GSG1L2: variants seen among roughly 807,000 people sequenced by gnomAD.
The protein encoded by GSG1L2 is germ cell-specific gene 1-like protein 2.
A neutral mutation model predicts 9.0 loss-of-function variants in GSG1L2; 15 were observed. The observed-to-expected ratio is 1.67, with a 90% CI of 1.12 to 2.57. The LOEUF (loss-of-function observed/expected upper bound fraction) is 2.57. Ranked by LOEUF, GSG1L2 falls within the 30% of genes most tolerant of loss-of-function variation. GSG1L2 has a pLI of 0.00. For missense variants in GSG1L2, 286 were observed against 150.3 expected (o/e 1.90, Z -4.72); for synonymous variants, 127 against 57.9 (o/e 2.19, Z -5.41).
At chr17:9,810,869 A>G in intron 1 of GSG1L2, 1 of 527,972 alleles carries the variant, frequency 1.9e-6, no homozygotes, top group Non-Finnish European at 3.4e-6. Context: ...CAGCTTTAAG[A>G]GCCAGTGTCT....
chr17:9,812,926 C>G (rs1444420670), intron 1 of GSG1L2, among the ~76,000 whole-genome samples: 3 of 152,156 alleles, frequency 2.0e-5, no homozygotes, highest in East Asian at 3.9e-4. Context: ...TTGTAGTAAC[C>G]TCGCACGGCA....
At chr17:9,807,390 A>G (rs1415049240) in intron 4 of GSG1L2, 100 bp downstream of exon 4, 18 of 676,120 alleles carry the variant, frequency 2.7e-5, no homozygotes, top group Non-Finnish European at 4.1e-5. Flanking sequence ...GGCAGATGCC[A>G]GCACTATGAC....
rs546261807 is a variant in GSG1L2 at position 9,821,806 on chromosome 17, T to C, written c.266A>G (p.His89Arg). ...GDDKFIQRGF[H>R]VGLWQSCEES... The stretch of plus-strand genomic sequence containing the variant: ...CTCGCAGGACTGCCAGAGCCCCACA[T>C]GGAACCCCCGCTGAATGAACTTGTC... The change falls in exon 1 of 5, where the codon CAT (histidine) becomes CGT (arginine). Residue 89 changes from histidine to arginine, a missense_variant. His to Arg is a conservative substitution (Grantham distance 29). Transcript: ENST00000399363. The C allele has an allele frequency of 3.6e-4, 254 of 703,530 alleles. 2 individuals carry two copies. The African/African-American group carries it at 3.7e-3, about 10-fold the overall frequency. 43.6% of individuals were successfully genotyped at this position (703,530 alleles called of 1,614,324 possible). A position where few individuals can be genotyped will look rare whatever the true frequency, so the allele number is the denominator to read the frequency against.
intron 1 of GSG1L2, among the ~76,000 whole-genome samples, chr17:9,811,933 T>C (rs1419712675): frequency 2.0e-5 from 3 of 152,110 alleles, no homozygotes; most frequent in Non-Finnish European, 4.4e-5. Flanking sequence ...CATGTTTTTT[T>C]CCCATTGACT....
At chr17:9,817,451 GTC>G (rs938806991) in intron 1 of GSG1L2, among the ~76,000 whole-genome samples, 4 of 144,004 alleles carry the variant, frequency 2.8e-5, no homozygotes, top group South Asian at 4.4e-4. Context: ...TTTCCTCGAA[GTC>G]TCACTCTGTC....
chr17:9,815,138 A>G (rs2066554477), intron 1 of GSG1L2, among the ~76,000 whole-genome samples: 1 of 152,210 alleles, frequency 6.6e-6, no homozygotes, highest in African/African-American at 2.4e-5. Flanking sequence ...CTGTAATCCC[A>G]GCATTTTGGG....
In GSG1L2 at chr17:9,821,929, C is replaced by T. The variant is rs1203179158; in HGVS notation, c.143G>A (p.Gly48Glu). 1.4e-6 allele frequency: 1 copy of T among 703,088 alleles called. No homozygotes were observed. Among genetic ancestry groups the T allele is most frequent in the Non-Finnish European group, 2.6e-6 (1 of 385,046 alleles). 43.6% of individuals were successfully genotyped at this position (703,088 alleles called of 1,614,324 possible). A position where few individuals can be genotyped will look rare whatever the true frequency, so the allele number is the denominator to read the frequency against. ...TTTGAAGTGAATGCAGTGCTGCCCT[C>T]CCGGCTGGTCCTGGCACAGTGGCTT... Reference protein sequence around the residue: ...VVKPLCQDQPGGQHCIHFKRD... With the variant: ...VVKPLCQDQPEGQHCIHFKRD... Residue 48 changes from glycine (G) to glutamate (E), a missense_variant, in exon 1 of 5, where the codon GGA becomes GAA. Transcript: ENST00000399363.
At chr17:9,818,501 A>ATTTTTTTTTTTTTTTTTTT (rs377057350) in intron 1 of GSG1L2, among the ~76,000 whole-genome samples, 3 of 82,800 alleles carry the variant, frequency 3.6e-5, no homozygotes, top group Non-Finnish European at 6.6e-5. Context: ...ACACAGCTAA[A>ATTTTTTTTTTTTTTTTTTT]TTTTTTTTTT....
rs1368877357 is a variant in GSG1L2 at position 9,820,408 on chromosome 17, C to G, written c.310+1354G>C. On this transcript the variant is annotated intron_variant, in intron 1 of 4. Transcript: ENST00000399363. This position sits in a 1 kb window ranked among gnomAD's most constrained non-coding sequence, Gnocchi z 4.9. Reference sequence around the variant, plus strand: ...TCCTCCAGGATGCAGGGTCCTGAGACTTTTGCCTCTGTCCATGAAGGTGGG... The same window carrying G: ...TCCTCCAGGATGCAGGGTCCTGAGAGTTTTGCCTCTGTCCATGAAGGTGGG... 6.6e-6 allele frequency among the ~76,000 whole-genome samples: 1 copy of G among 152,194 alleles called. No individual in the cohort carries two copies. The highest frequency in any genetic ancestry group is 2.4e-5 in the African/African-American group (1 of 41,450).
intron 1 of GSG1L2, among the ~76,000 whole-genome samples, chr17:9,814,637 T>C (rs2066552639): frequency 6.6e-6 from 1 of 152,162 alleles, no homozygotes; most frequent in Non-Finnish European, 1.5e-5. Flanking sequence ...GTGTTCGTTT[T>C]GAATAAAGCC....
rs972218470 is a variant in GSG1L2 at position 9,801,336 on chromosome 17, T to C, written c.*1050A>G. Among the ~76,000 whole-genome samples the C allele has an allele frequency of 1.5e-4, 23 of 152,002 alleles. No homozygotes were observed. The highest frequency in any genetic ancestry group is 5.5e-4 in the African/African-American group (23 of 41,488). On this transcript the variant is annotated 3_prime_UTR_variant, in exon 5 of 5. Transcript: ENST00000399363. ...GATTTCCCTGCCTCAGCCTCCTGAG[T>C]AGCTGGGATTACAGACATGTGCCAC...
intron 1 of GSG1L2, among the ~76,000 whole-genome samples, chr17:9,819,789 C>A (rs560792824): frequency 6.6e-6 from 1 of 152,056 alleles, no homozygotes; most frequent in Non-Finnish European, 1.5e-5. Flanking sequence ...CACATCACCA[C>A]GCCCAGCTAT....
intron 1 of GSG1L2, among the ~76,000 whole-genome samples, chr17:9,819,792 C>T (rs561181555): frequency 6.6e-6 from 1 of 152,130 alleles, no homozygotes; most frequent in African/African-American, 2.4e-5. Flanking sequence ...ATCACCACGC[C>T]CAGCTATTTT....
rs2066493064 is a variant in GSG1L2, at chr17:9,800,608, T to C, written c.*1778A>G. Among the ~76,000 whole-genome samples, 1 of 152,194 alleles carries C rather than the reference T, an allele frequency of 6.6e-6. No homozygotes were observed. The highest frequency in any genetic ancestry group is 6.5e-5 in the Admixed American group (1 of 15,286). ...AAATAAAAATAAAAACTTGTCCAAA[T>C]AGTTTTTAAAAGTTTATTTCTTCTT... On this transcript the variant is annotated 3_prime_UTR_variant, in exon 5 of 5. Coordinates refer to ENST00000399363, the MANE Select transcript of GSG1L2 (RefSeq NM_001310219.2).
chr17:9,809,471 C>T (rs1488124896), intron 2 of GSG1L2: 4 of 156,722 alleles, frequency 2.6e-5, no homozygotes, highest in Non-Finnish European at 5.6e-5. Flanking sequence ...TAGAAGGGTA[C>T]CTGAGAGGGT....
rs9905230 is a variant in GSG1L2, at chr17:9,820,694, G to A, written c.310+1068C>T. Among the ~76,000 whole-genome samples, 27,108 of 149,774 alleles carry A rather than the reference G, an allele frequency of 0.18. 2,945 individuals carry two copies. Among genetic ancestry groups the A allele is most frequent in the Middle Eastern group, 0.26 (77 of 294 alleles). On this transcript the variant is annotated intron_variant, in intron 1 of 4. Transcript: ENST00000399363. This position sits in a 1 kb window ranked among gnomAD's most constrained non-coding sequence, Gnocchi z 4.9. ...TTTTTTTTAATTTGAGACAGGTCTC[G>A]CTCTATCATTCAGGCTGGAGGGCAG...
intron 1 of GSG1L2, among the ~76,000 whole-genome samples, chr17:9,817,463 C>T (rs1257561655): frequency 1.3e-5 from 2 of 150,088 alleles, no homozygotes; most frequent in African/African-American, 4.9e-5. Context: ...CTCACTCTGT[C>T]GCCCAGGCTG....
intron 1 of GSG1L2, among the ~76,000 whole-genome samples, chr17:9,812,992 G>A (rs28715867): frequency 0.098 from 14,939 of 152,078 alleles, 1,889 homozygotes; most frequent in African/African-American, 0.29. Flanking sequence ...AATTCCATAC[G>A]TGAGGGCTCC....
intron 3 of GSG1L2, 109 bp from the exon 4 acceptor site, chr17:9,807,710 T>G: frequency 1.5e-6 from 1 of 672,618 alleles, no homozygotes; most frequent in East Asian, 2.7e-5. Context: ...AAAGTCCTTT[T>G]GATGTATCTG....
Sources: allele counts gnomAD v4.1 joint callset (sites outside exome capture counted in the v4.1 genomes callset), GRCh38; gene constraint gnomAD v4.1.1; non-coding constraint Gnocchi (gnomAD v3.1); transcripts MANE v1.5; gene names NCBI Gene and HGNC (gene_info 2026-07-23, HGNC 2026-07-21).